The following GDF5 variants were observed in gnomAD, a reference collection of about 807,000 sequenced individuals.
GDF5 encodes growth/differentiation factor 5.
Under a neutral mutation model 34.6 loss-of-function variants are expected in GDF5, and 17 were observed. The observed-to-expected ratio is 0.49, with a 90% CI of 0.34 to 0.74. The LOEUF is 0.74. GDF5 is among the 30% of genes least tolerant of loss of function. GDF5 has a pLI of 0.01. For missense variants in GDF5, 616 were observed against 661.2 expected, an observed-to-expected ratio of 0.93 and a Z score of 0.75; for synonymous variants, 332 against 290.7, an observed-to-expected ratio of 1.14 and a Z score of -1.44.
chr20:35,444,480 T>C (rs954001045), intron 1 of GDF5, among the ~76,000 whole-genome samples: 4 of 152,100 alleles, frequency 2.6e-5, no homozygotes, highest in African/African-American at 9.7e-5. Flanking sequence ...GGAGCTGGTG[T>C]GGCTGAAGCA....
upstream of GDF5, chr20:35,441,407 T>A (rs1411099228): frequency 7.9e-5 from 12 of 151,640 alleles, no homozygotes; most frequent in Non-Finnish European, 1.2e-4. Flanking sequence ...TAAATAAAAT[T>A]AAATTGCATA....
rs2062530958 is a variant in GDF5 at position 35,451,068 on chromosome 20, T to TATATATATATATATATATATATATATAA, written c.-398+3571_-398+3572insTTATATATATATATATATATATATATAT. ...AAAAAAAAAAAAAAAAAAAAAAATA[T>TATATATATATATATATATATATATATAA]ATATATATATATATATATATATATA... On this transcript the variant is annotated intron_variant, in intron 1 of 3. Coordinates refer to the GDF5 transcript ENST00000374372. 7.0e-4 allele frequency among the ~76,000 whole-genome samples: 22 copies of TATATATATATATATATATATATATATAA among 31,602 alleles called. 1 individual carries two copies. The highest frequency in any genetic ancestry group is 6.6e-3 in the African/African-American group (22 of 3,334). The allele number at this position is 31,602 out of a possible 152,430, so 20.7% of individuals were successfully genotyped here.
chr20:35,436,341 C>T (rs1268154799), intron 1 of GDF5, among the ~76,000 whole-genome samples: 2 of 151,070 alleles, frequency 1.3e-5, no homozygotes, highest in Admixed American at 6.6e-5. Context: ...CCCCTGGCAG[C>T]CCCCTCCAGG....
chr20:35,446,632 GTTTT>G, intron 1 of GDF5, among the ~76,000 whole-genome samples: 1 of 151,626 alleles, frequency 6.6e-6, no homozygotes, highest in Non-Finnish European at 1.5e-5. Context: ...GTTTTGTTTT[GTTTT>G]TTTAAAAAAG....
chr20:35,444,378 T>C (rs919288017), intron 1 of GDF5, among the ~76,000 whole-genome samples: 4 of 152,120 alleles, frequency 2.6e-5, no homozygotes, highest in Non-Finnish European at 4.4e-5. Context: ...AAACGAGACA[T>C]ACTGAAGTCT....
chr20:35,447,956 T>TAA (rs5841210), intron 1 of GDF5, among the ~76,000 whole-genome samples: 32 of 150,984 alleles, frequency 2.1e-4, no homozygotes, highest in South Asian at 1.5e-3. Flanking sequence ...CTCTATAAAA[T>TAA]AAAAAAAAAA....
intron 1 of GDF5, among the ~76,000 whole-genome samples, chr20:35,444,606 T>A (rs1280478336): frequency 2.0e-5 from 3 of 152,088 alleles, no homozygotes; most frequent in Non-Finnish European, 4.4e-5. Flanking sequence ...TTTCTTTTGT[T>A]TTTTTGAGAC....
Position 35,437,288 on chromosome 20 carries a change from G to T in GDF5, c.631+10C>A. 6.7e-7 allele frequency: 1 copy of T among 1,497,072 alleles called. No homozygotes were observed. The highest frequency in any genetic ancestry group is 9.3e-7 in the Non-Finnish European group (1 of 1,078,950). 92.7% of individuals were successfully genotyped at this position (1,497,072 alleles called of 1,614,324 possible). ...CTCTGAGCCGTGCCCCTGCCACCCC[G>T]CCCCCTCACCTTGCCCTTTGTCAAT... On this transcript the variant is annotated intron_variant, in intron 1 of 1. Transcript: ENST00000374369.
chr20:35,447,819 T>C (rs1283689422), intron 1 of GDF5, among the ~76,000 whole-genome samples: 1 of 152,116 alleles, frequency 6.6e-6, no homozygotes, highest in Non-Finnish European at 1.5e-5. Flanking sequence ...ATCAGCTTTT[T>C]AAAAACTTTA....
chr20:35,443,768 T>C (rs1158397664), intron 1 of GDF5, among the ~76,000 whole-genome samples: 1 of 152,048 alleles, frequency 6.6e-6, no homozygotes, highest in African/African-American at 2.4e-5. Flanking sequence ...CACCTCAGCC[T>C]CCCAAAGTGC....
chr20:35,434,330 G>C lies in GDF5; in HGVS notation c.1085C>G (p.Ser362Cys). 1 of 1,614,072 alleles carries C rather than the reference G, an allele frequency of 6.2e-7. No homozygotes were observed. Among genetic ancestry groups the C allele is most frequent in the South Asian group, 1.1e-5 (1 of 91,084 alleles). ...DLFFNEIKARSGQDDKTVYEY... is the reference protein window; with the variant it reads ...DLFFNEIKARCGQDDKTVYEY... ...ATACACGGTCTTATCGTCCTGGCCA[G>C]AGCGGGCCTTAATCTCATTAAAGAA... is the stretch of plus-strand genomic sequence containing the variant. Residue 362 changes from serine to cysteine, a missense_variant, in exon 2 of 2, where the codon TCT becomes TGT. Ser to Cys is a moderately radical substitution (Grantham distance 112, BLOSUM62 -1). Transcript: ENST00000374369.
At chr20:35,438,369 C>CACACACAG, upstream of GDF5, 1 of 181,636 alleles carries the variant, frequency 5.5e-6, no homozygotes, top group Non-Finnish European at 1.2e-5. Flanking sequence ...CACACACACA[C>CACACACAG]ACACACACAC....
Position 35,437,432 on chromosome 20 carries a change from G to C in GDF5, c.497C>G (p.Pro166Arg), listed in dbSNP as rs61754581. 1 of 1,613,786 alleles carries C rather than the reference G, an allele frequency of 6.2e-7. No homozygotes were observed. ...REPKEPFRPP[P>R]ITPHEYMLSL... ...GAGCATGTACTCGTGGGGTGTGATGGGGGGTGGGCGAAACGGCTCCTTGGG... is the reference window on the plus strand; with the variant it reads ...GAGCATGTACTCGTGGGGTGTGATGCGGGGTGGGCGAAACGGCTCCTTGGG... The change falls in exon 1 of 2, where the codon CCC (proline) becomes CGC (arginine). Residue 166 changes from proline (P) to arginine (R), a missense_variant. Transcript: ENST00000374369.
upstream of GDF5, chr20:35,441,377 C>A (rs1470525519): frequency 6.6e-6 from 1 of 151,736 alleles, no homozygotes; most frequent in Non-Finnish European, 1.5e-5. Context: ...CATGGTGAAA[C>A]CCTGTCTCTA....
chr20:35,449,875 G>A (rs1341963794), intron 1 of GDF5, among the ~76,000 whole-genome samples: 1 of 151,992 alleles, frequency 6.6e-6, no homozygotes, highest in Non-Finnish European at 1.5e-5. Flanking sequence ...TATAGTCTTA[G>A]CTACTCGGGA....
upstream of GDF5, among the ~76,000 whole-genome samples, chr20:35,441,832 T>C (rs1420218437): frequency 6.6e-6 from 1 of 152,192 alleles, no homozygotes; most frequent in African/African-American, 2.4e-5. Flanking sequence ...TTATGTGTTA[T>C]TTATCTTCAT....
rs569761315 is a variant in GDF5, at chr20:35,433,743, C to T, written c.*166G>A. 2 of 719,264 alleles carry T rather than the reference C, an allele frequency of 2.8e-6. No homozygotes were observed. The highest frequency in any genetic ancestry group is 5.0e-6 in the Non-Finnish European group (2 of 400,342). 44.6% of individuals were successfully genotyped at this position (719,264 alleles called of 1,614,324 possible). A position where few individuals can be genotyped will look rare whatever the true frequency, so the allele number is the denominator to read the frequency against. The stretch of plus-strand genomic sequence containing the variant: ...AGGGGAACTTGTGGATAAAAGGGGG[C>T]CTTTAGCCCAAGTCACACTCAGAGA... On this transcript the variant is annotated 3_prime_UTR_variant, in exon 2 of 2. Coordinates refer to ENST00000374369, the MANE Select transcript of GDF5 (RefSeq NM_000557.5).
intron 1 of GDF5, among the ~76,000 whole-genome samples, chr20:35,443,661 G>A (rs752586246): frequency 6.6e-6 from 1 of 151,886 alleles, no homozygotes; most frequent in Non-Finnish European, 1.5e-5. Context: ...ACAGGCATGC[G>A]CCACCACCCC....
chr20:35,453,883 G>A (rs2062549442), intron 1 of GDF5: 1 of 534,234 alleles, frequency 1.9e-6, no homozygotes, highest in Non-Finnish European at 3.8e-6. Flanking sequence ...TGTGCTGAGC[G>A]CTATAGTCAG....
Sources: allele counts gnomAD v4.1 joint callset (sites outside exome capture counted in the v4.1 genomes callset), GRCh38; gene constraint gnomAD v4.1.1; transcripts MANE v1.5; gene names NCBI Gene and HGNC (gene_info 2026-07-23, HGNC 2026-07-21).